The following GPC5 variants were observed in gnomAD, a reference collection of about 807,000 sequenced individuals.
The protein encoded by GPC5 is glypican 5, also known as glypican-5.
A neutral mutation model predicts 53.9 loss-of-function variants in GPC5; 47 were observed. The ratio of observed to expected loss-of-function variants is 0.87; its 90% CI spans 0.69 to 1.11. GPC5 has a LOEUF of 1.11. Ranked by LOEUF, GPC5 falls within the 50% of genes most tolerant of loss-of-function variation. The pLI is 0.00. For missense variants in GPC5, 748 were observed against 713.1 expected (o/e 1.05, Z -0.56); for synonymous variants, 286 against 263.3 (o/e 1.09, Z -0.84).
At chr13:92,260,140 C>G (rs1193978717) in intron 7 of GPC5, among the ~76,000 whole-genome samples, 2 of 152,146 alleles carry the variant, frequency 1.3e-5, no homozygotes, top group Non-Finnish European at 2.9e-5. Flanking sequence ...TAAAGTCTGT[C>G]TAACTGAAAC....
intron 7 of GPC5, among the ~76,000 whole-genome samples, chr13:92,774,307 A>T (rs1875718278): frequency 6.6e-6 from 1 of 152,186 alleles, no homozygotes; most frequent in Admixed American, 6.5e-5. Context: ...TCATACCTTT[A>T]TACATAGCAC....
intron 5 of GPC5, among the ~76,000 whole-genome samples, chr13:91,808,372 T>C (rs148116677): frequency 1.1e-3 from 175 of 152,274 alleles, no homozygotes; most frequent in African/African-American, 4.1e-3. Context: ...GTCATTTTTA[T>C]GGGTTCTAAC....
At chr13:91,699,322 A>G (rs1037504268) in intron 3 of GPC5, among the ~76,000 whole-genome samples, 1 of 152,188 alleles carries the variant, frequency 6.6e-6, no homozygotes, top group Non-Finnish European at 1.5e-5. Context: ...TGGCTGCCAC[A>G]AGGTGGAAGG....
At chr13:91,785,506 T>C (rs2037864132) in intron 5 of GPC5, among the ~76,000 whole-genome samples, 2 of 139,676 alleles carry the variant, frequency 1.4e-5, no homozygotes, top group South Asian at 4.2e-4. Context: ...ACGATATTGA[T>C]TAACATATTT....
intron 7 of GPC5, among the ~76,000 whole-genome samples, chr13:92,754,049 G>A (rs1874728628): frequency 6.6e-6 from 1 of 152,166 alleles, no homozygotes; most frequent in Non-Finnish European, 1.5e-5. Flanking sequence ...AAGTTGAAAT[G>A]AAGGAAAAAA....
At chr13:92,342,555 G>T (rs1307460578) in intron 7 of GPC5, among the ~76,000 whole-genome samples, 5 of 152,070 alleles carry the variant, frequency 3.3e-5, no homozygotes, top group African/African-American at 1.2e-4. Flanking sequence ...TACCGTCTAT[G>T]AGTAACAGGT....
At chr13:92,135,612 C>A (rs1312909192) in intron 6 of GPC5, among the ~76,000 whole-genome samples, 2 of 152,124 alleles carry the variant, frequency 1.3e-5, no homozygotes, top group Admixed American at 6.5e-5. Flanking sequence ...AACCTCTGGG[C>A]AGTATTAGAG....
rs2040120329 is a variant in GPC5 at position 91,960,950 on chromosome 13, T to A, written c.1401+52893T>A. Among the ~76,000 whole-genome samples, 4 of 151,552 alleles carry A rather than the reference T, an allele frequency of 2.6e-5. No homozygotes were observed. The South Asian group carries it at 8.3e-4, about 32-fold the overall frequency. On this transcript the variant is annotated intron_variant, in intron 6 of 7. Coordinates refer to ENST00000377067, the MANE Select transcript of GPC5 (RefSeq NM_004466.6). ...ACTATAAAACTTCTAGAAGAAAACATAAGGGAAACACTCCAGGATATGAGT... is the reference window on the plus strand; with the variant it reads ...ACTATAAAACTTCTAGAAGAAAACAAAAGGGAAACACTCCAGGATATGAGT...
At chr13:92,054,258 G>T (rs1191245517) in intron 6 of GPC5, among the ~76,000 whole-genome samples, 5 of 151,144 alleles carry the variant, frequency 3.3e-5, no homozygotes, top group Admixed American at 3.3e-4. Flanking sequence ...AGAGATACAG[G>T]ACAAAGACAT....
At chr13:92,586,007 A>G (rs956339446) in intron 7 of GPC5, among the ~76,000 whole-genome samples, 1 of 152,202 alleles carries the variant, frequency 6.6e-6, no homozygotes, top group Non-Finnish European at 1.5e-5. Flanking sequence ...CAGCATGAAA[A>G]CTGACTAATA....
At chr13:92,019,818 T>A (rs2040740747) in intron 6 of GPC5, among the ~76,000 whole-genome samples, 1 of 152,134 alleles carries the variant, frequency 6.6e-6, no homozygotes, top group Non-Finnish European at 1.5e-5. Context: ...GCATTCACTT[T>A]ATTTCATGTA....
At chr13:92,529,685 A>G (rs997336239) in intron 7 of GPC5, among the ~76,000 whole-genome samples, 3 of 152,216 alleles carry the variant, frequency 2.0e-5, no homozygotes, top group Admixed American at 1.3e-4. Flanking sequence ...AAACTATATA[A>G]GAAAACACTT....
chr13:92,076,997 T>G (rs1291854739), intron 6 of GPC5, among the ~76,000 whole-genome samples: 1 of 152,190 alleles, frequency 6.6e-6, no homozygotes, highest in Non-Finnish European at 1.5e-5. Context: ...AACCTGAACA[T>G]GCCCTTTCCT....
chr13:92,118,283 C>T (rs760104812), intron 6 of GPC5, among the ~76,000 whole-genome samples: 2 of 152,126 alleles, frequency 1.3e-5, no homozygotes, highest in Non-Finnish European at 1.5e-5. Context: ...TTGAACCAGC[C>T]TTGCATTCGT....
intron 6 of GPC5, among the ~76,000 whole-genome samples, chr13:92,130,313 A>C (rs2041732590): frequency 6.6e-6 from 1 of 151,978 alleles, no homozygotes; most frequent in African/African-American, 2.4e-5. Flanking sequence ...AGAAGCATGC[A>C]ATTAGAGGAA....
At chr13:92,480,752 CAACAAATCAA>C (rs746401302) in intron 7 of GPC5, among the ~76,000 whole-genome samples, 94,988 of 151,920 alleles carry the variant, frequency 0.63, 29,933 homozygotes, top group East Asian at 0.74. Context: ...TACAGTCAGG[CAACAAATCAA>C]TCTACAGATG....
chr13:91,533,583 T>C (rs772636744), intron 2 of GPC5, among the ~76,000 whole-genome samples: 1 of 151,966 alleles, frequency 6.6e-6, no homozygotes, highest in African/African-American at 2.4e-5. Flanking sequence ...CTACACAAGA[T>C]AGATAATGAA....
At chr13:91,438,194 T>C (rs1053185876) in intron 1 of GPC5, among the ~76,000 whole-genome samples, 4 of 152,244 alleles carry the variant, frequency 2.6e-5, no homozygotes, top group Non-Finnish European at 5.9e-5. Flanking sequence ...CTTTGTTCCA[T>C]TGCTGGTGAG....
At chr13:91,552,160 T>G (rs536933422) in intron 2 of GPC5, among the ~76,000 whole-genome samples, 14 of 152,166 alleles carry the variant, frequency 9.2e-5, no homozygotes, top group African/African-American at 2.9e-4. Context: ...ATATTAGAGA[T>G]GAAATGAGTC....
Sources: gnomAD v4.1 joint callset for allele counts (sites outside exome capture counted in the v4.1 genomes callset) on GRCh38, gnomAD v4.1.1 for gene constraint, MANE v1.5 for transcripts, NCBI Gene and HGNC (gene_info 2026-07-23, HGNC 2026-07-21) for gene names.